The following MCPH1 variants were observed in gnomAD, a reference collection of about 807,000 sequenced individuals.
The protein encoded by MCPH1 is microcephalin 1.
Under a neutral mutation model 84.5 loss-of-function variants are expected in MCPH1, and 104 were observed. The ratio of observed to expected loss-of-function variants is 1.23; its 90% CI spans 1.05 to 1.45. The LOEUF is 1.45. Ranked by LOEUF, MCPH1 falls within the 40% of genes most tolerant of loss-of-function variation. MCPH1 has a pLI of 0.00. For missense variants in MCPH1, 1,498 were observed against 1,005.7 expected, an observed-to-expected ratio of 1.49 and a Z score of -6.62; for synonymous variants, 514 against 366.8, an observed-to-expected ratio of 1.40 and a Z score of -4.58.
chr8:6,621,352 C>G, intron 12 of MCPH1, 102 bp from the exon 13 acceptor site: 5 of 1,399,666 alleles, frequency 3.6e-6, no homozygotes, highest in Non-Finnish European at 5.0e-6. Context: ...TACATTCAGT[C>G]TATTCTTTTC....
intron 11 of MCPH1, among the ~76,000 whole-genome samples, chr8:6,494,770 A>G (rs1392271647): frequency 6.6e-6 from 1 of 152,172 alleles, no homozygotes; most frequent in Non-Finnish European, 1.5e-5. Flanking sequence ...TGATTACTTA[A>G]CAGGTACAGG....
intron 3 of MCPH1, among the ~76,000 whole-genome samples, chr8:6,415,760 G>C (rs1799191270): frequency 6.6e-6 from 1 of 152,158 alleles, no homozygotes; most frequent in Non-Finnish European, 1.5e-5. Context: ...TTTGATTTGA[G>C]TTCCTTGCTA....
intron 3 of MCPH1, among the ~76,000 whole-genome samples, chr8:6,415,476 C>G (rs1307548265): frequency 6.6e-6 from 1 of 151,902 alleles, no homozygotes; most frequent in Non-Finnish European, 1.5e-5. Context: ...GCTTCTGCCT[C>G]CCGAGTAGCT....
rs13280201 is a variant in MCPH1, at chr8:6,644,179, G to C, written c.*1130G>C. 2 of 152,222 alleles carry C rather than the reference G, an allele frequency of 1.3e-5. No homozygotes were observed. The highest frequency in any genetic ancestry group is 6.6e-5 in the Admixed American group (1 of 15,256). The allele number at this position is 152,222 out of a possible 1,614,324, so 9.4% of individuals were successfully genotyped here. ...GCAGAAGAATCGCTTGAACCCAAGA[G>C]GCAGAGGTTGCAGTGAGCCAAGGTT... On this transcript the variant is annotated 3_prime_UTR_variant, in exon 14 of 14. Transcript: ENST00000344683.
intron 8 of MCPH1, among the ~76,000 whole-genome samples, chr8:6,454,271 G>T (rs1805432163): frequency 6.6e-6 from 1 of 152,174 alleles, no homozygotes; most frequent in African/African-American, 2.4e-5. Context: ...GTGGGTAGAT[G>T]ATTAGCTATT....
chr8:6,490,842 G>A (rs1237933989), intron 11 of MCPH1, among the ~76,000 whole-genome samples: 1 of 151,872 alleles, frequency 6.6e-6, no homozygotes, highest in Non-Finnish European at 1.5e-5. Context: ...CTGTTTTTTA[G>A]TTCTTTTTCT....
At chr8:6,558,535 C>T (rs781039837) in intron 12 of MCPH1, among the ~76,000 whole-genome samples, 4 of 152,148 alleles carry the variant, frequency 2.6e-5, no homozygotes, top group Admixed American at 6.5e-5. Context: ...GTTTCATCTA[C>T]GGTAACTGGC....
intron 13 of MCPH1, chr8:6,627,075 G>C: frequency 1.0e-6 from 1 of 985,240 alleles, no homozygotes; most frequent in Non-Finnish European, 1.2e-6. Context: ...ATGTTTTCAG[G>C]AAAAAGATCC....
intron 13 of MCPH1, among the ~76,000 whole-genome samples, chr8:6,622,568 C>T (rs1586841449): frequency 6.6e-6 from 1 of 152,324 alleles, no homozygotes; most frequent in East Asian, 1.9e-4. Context: ...CTTGGGCTGC[C>T]ATCGCAAAAT....
chr8:6,443,196 T>C (rs1275604054), intron 7 of MCPH1, among the ~76,000 whole-genome samples: 1 of 152,214 alleles, frequency 6.6e-6, no homozygotes, highest in African/African-American at 2.4e-5. Context: ...TCCAAGGTCA[T>C]GTGGTTTGTG....
intron 12 of MCPH1, among the ~76,000 whole-genome samples, chr8:6,513,301 C>A (rs751957659): frequency 6.6e-6 from 1 of 151,756 alleles, no homozygotes; most frequent in African/African-American, 2.4e-5. Context: ...AGTCACCCAG[C>A]AAACCTTTTA....
At chr8:6,481,340 G>A (rs1809214724) in intron 11 of MCPH1, among the ~76,000 whole-genome samples, 1 of 152,136 alleles carries the variant, frequency 6.6e-6, no homozygotes, top group South Asian at 2.1e-4. Flanking sequence ...TTTATCCTAT[G>A]TATATCTATC....
At chr8:6,611,763 C>T (rs985885596) in intron 12 of MCPH1, among the ~76,000 whole-genome samples, 1 of 152,178 alleles carries the variant, frequency 6.6e-6, no homozygotes, top group Non-Finnish European at 1.5e-5. Context: ...GGACTACAGG[C>T]GTCCGCCACC....
At chr8:6,576,516 C>CCCCTTCCCCTTT (rs1827115825) in intron 12 of MCPH1, among the ~76,000 whole-genome samples, 1 of 147,970 alleles carries the variant, frequency 6.8e-6, no homozygotes, top group East Asian at 2.0e-4. Context: ...CCTTCCCCTT[C>CCCCTTCCCCTTT]CCCGTCCCTT....
Position 6,419,128 on chromosome 8 carries a change from TACAC to T in MCPH1, c.233+4265_233+4268del, listed in dbSNP as rs59016342. ...CAACCCTTTTATATTTATATACACA[TACAC>T]ACACACACACACACACACAGACACA... On this transcript the variant is annotated intron_variant, in intron 3 of 13. Coordinates refer to ENST00000344683, the MANE Select transcript of MCPH1 (RefSeq NM_024596.5). Among the ~76,000 whole-genome samples the T allele has an allele frequency of 9.2e-3, 1,323 of 144,124 alleles. 27 individuals are homozygous for T. The highest frequency in any genetic ancestry group is 0.071 in the East Asian group (351 of 4,974). The allele number at this position is 144,124 out of a possible 152,430, so 94.6% of individuals were successfully genotyped here. A position where few individuals can be genotyped will look rare whatever the true frequency, so the allele number is the denominator to read the frequency against.
intron 12 of MCPH1, among the ~76,000 whole-genome samples, chr8:6,564,115 G>C (rs986871695): frequency 2.0e-5 from 3 of 151,840 alleles, no homozygotes; most frequent in Non-Finnish European, 4.4e-5. Flanking sequence ...CTGAGCAGCT[G>C]GGATTACAGG....
intron 9 of MCPH1, among the ~76,000 whole-genome samples, chr8:6,456,104 G>A (rs1805646988): frequency 6.6e-6 from 1 of 152,122 alleles, no homozygotes; most frequent in Admixed American, 6.5e-5. Flanking sequence ...ATGAAAGTTG[G>A]CAGTAACTTG....
At chr8:6,568,547 C>G (rs1322291472) in intron 12 of MCPH1, among the ~76,000 whole-genome samples, 1 of 152,240 alleles carries the variant, frequency 6.6e-6, no homozygotes, top group Non-Finnish European at 1.5e-5. Context: ...GGCCACCAGC[C>G]TGACCCAGGC....
intron 3 of MCPH1, among the ~76,000 whole-genome samples, chr8:6,423,328 C>A (rs1006837246): frequency 1.3e-5 from 2 of 149,834 alleles, no homozygotes; most frequent in Non-Finnish European, 3.0e-5. Flanking sequence ...CCACGCCTGG[C>A]TAATTTTTTT....
Sources: gnomAD v4.1 joint callset for allele counts (sites outside exome capture counted in the v4.1 genomes callset) on GRCh38, gnomAD v4.1.1 for gene constraint, MANE v1.5 for transcripts, NCBI Gene and HGNC (gene_info 2026-07-23, HGNC 2026-07-21) for gene names.